The following JAM2 variants were observed in gnomAD, a reference collection of about 807,000 sequenced individuals.
JAM2 encodes the protein junctional adhesion molecule 2.
JAM2 carries 17 observed loss-of-function variants against 42.0 expected under a neutral mutation model. The observed-to-expected ratio is 0.40, with a 90% CI of 0.28 to 0.61. The LOEUF (loss-of-function observed/expected upper bound fraction) is 0.61, where lower values mean the gene tolerates loss of function less well. Among genes scored for constraint, JAM2 ranks in the 20% least tolerant of loss-of-function variants. The pLI, the probability that JAM2 is intolerant of heterozygous loss-of-function variation, is 0.37. For missense variants in JAM2, 319 were observed against 358.3 expected (o/e 0.89, Z 0.89); for synonymous variants, 118 against 128.6 (o/e 0.92, Z 0.56).
intron 2 of JAM2, among the ~76,000 whole-genome samples, chr21:25,686,868 A>C (rs1214233811): frequency 6.6e-6 from 1 of 152,236 alleles, no homozygotes; most frequent in East Asian, 1.9e-4. Flanking sequence ...TGCGATTCCT[A>C]AATGTGATTA....
chr21:25,668,719 G>C (rs118074966), intron 1 of JAM2, among the ~76,000 whole-genome samples: 50 of 152,344 alleles, frequency 3.3e-4, no homozygotes, highest in Admixed American at 6.5e-4. Context: ...ATGGAAATAT[G>C]TATTTGGGAG....
At chr21:25,693,954 A>G in intron 4 of JAM2, 46 bp downstream of exon 4, 1 of 1,591,560 alleles carries the variant, frequency 6.3e-7, no homozygotes. Context: ...CTCCTTCTCC[A>G]CCACCCAGCC....
chr21:25,666,658 T>A (rs1022886651), intron 1 of JAM2, among the ~76,000 whole-genome samples: 6 of 152,160 alleles, frequency 3.9e-5, no homozygotes, highest in Non-Finnish European at 5.9e-5. Context: ...CACCTCATCC[T>A]CCTGAGGAGC....
At chr21:25,690,294 T>A (rs978234241) in intron 3 of JAM2, among the ~76,000 whole-genome samples, 8 of 149,176 alleles carry the variant, frequency 5.4e-5, no homozygotes, top group Non-Finnish European at 7.5e-5. Context: ...TTCTCTTTAT[T>A]TCTTTCTTTC....
At chr21:25,668,503 A>G (rs2033277872) in intron 1 of JAM2, among the ~76,000 whole-genome samples, 1 of 152,218 alleles carries the variant, frequency 6.6e-6, no homozygotes, top group Middle Eastern at 3.2e-3. Context: ...ATGAATAGGA[A>G]TGGGCTGTGA....
At position 25,662,444 on chromosome 21, in the gene JAM2, C is replaced by T. The variant is rs980454966; in HGVS notation, c.68-21439C>T. Among the ~76,000 whole-genome samples the T allele has an allele frequency of 1.2e-4, 18 of 152,132 alleles. 1 individual carries two copies. Among genetic ancestry groups the T allele is most frequent in the Admixed American group, 7.9e-4 (12 of 15,268 alleles). ...GGATTACAGGCGTGAGCACTGTGAC[C>T]GGCCTTATTTTTATATTTTATTTTT... On this transcript the variant is annotated intron_variant, in intron 1 of 9. Transcript: ENST00000480456.
At chr21:25,688,296 G>A (rs574562238) in intron 2 of JAM2, among the ~76,000 whole-genome samples, 2 of 147,924 alleles carry the variant, frequency 1.4e-5, no homozygotes, top group East Asian at 1.9e-4. Flanking sequence ...GCGCCCACAC[G>A]CACGCACACA....
chr21:25,668,191 T>TA (rs1223746852), intron 1 of JAM2, among the ~76,000 whole-genome samples: 13 of 152,320 alleles, frequency 8.5e-5, no homozygotes, highest in African/African-American at 3.1e-4. Context: ...ATGGGCCACT[T>TA]TGCATAGGAC....
Position 25,639,836 on chromosome 21 carries a change from C to T in JAM2, c.15C>T (p.Ser5=). 1 of 1,586,636 alleles carries T rather than the reference C, an allele frequency of 6.3e-7. No homozygotes were observed. The part of the protein sequence containing the change: MARR[S]RHRLLLLLLR... ...GCCCCGGGAAGATGGCGAGGAGGAG[C>T]CGCCACCGCCTCCTCCTGCTGCTGC... Residue 5 remains serine, a synonymous_variant, in exon 1 of 10, where the codon AGC becomes AGT. Transcript: ENST00000480456.
At chr21:25,696,233 C>T (rs999215147) in intron 4 of JAM2, among the ~76,000 whole-genome samples, 2 of 152,190 alleles carry the variant, frequency 1.3e-5, no homozygotes, top group African/African-American at 4.8e-5. Flanking sequence ...CAAAAAAATA[C>T]GAAAACCAGT....
In JAM2 at chr21:25,717,188, T is replaced by C. The variant is rs1601077455; in HGVS notation, c.*2516T>C. ...TTTCCCCCACACAAAGGGCAGAGTA[T>C]TGAGCACTAATTTCCTATTAAAAGT... On this transcript the variant is annotated 3_prime_UTR_variant, in exon 10 of 10. Transcript: ENST00000480456. The C allele has an allele frequency of 6.5e-6, 1 of 153,106 alleles. No individual in the cohort carries two copies. The allele number at this position is 153,106 out of a possible 1,614,324, so 9.5% of individuals were successfully genotyped here.
At chr21:25,661,490 G>A (rs1400069730) in intron 1 of JAM2, among the ~76,000 whole-genome samples, 3 of 151,998 alleles carry the variant, frequency 2.0e-5, no homozygotes, top group African/African-American at 7.2e-5. Context: ...ATAAAAATAA[G>A]TGTAGACTTC....
At chr21:25,656,731 C>T (rs1189622853) in intron 1 of JAM2, among the ~76,000 whole-genome samples, 1 of 152,196 alleles carries the variant, frequency 6.6e-6, no homozygotes. Context: ...ACCTCCCACT[C>T]CTTTGCGTCT....
chr21:25,659,312 C>T (rs1284565617), intron 1 of JAM2, among the ~76,000 whole-genome samples: 2 of 150,766 alleles, frequency 1.3e-5, no homozygotes, highest in East Asian at 3.9e-4. Context: ...TTGTCTTAAG[C>T]AAAGATAAGT....
At chr21:25,667,525 T>C (rs1170018910) in intron 1 of JAM2, among the ~76,000 whole-genome samples, 1 of 152,266 alleles carries the variant, frequency 6.6e-6, no homozygotes, top group Admixed American at 6.5e-5. Flanking sequence ...ATTCTTGTTA[T>C]TAATCTTGTA....
At chr21:25,661,034 G>A (rs1434201542) in intron 1 of JAM2, among the ~76,000 whole-genome samples, 10 of 151,516 alleles carry the variant, frequency 6.6e-5, no homozygotes, top group East Asian at 3.9e-4. Context: ...TAGGTGATCC[G>A]CCCACCTCGG....
chr21:25,713,357 T>C (rs190851488), intron 9 of JAM2, among the ~76,000 whole-genome samples: 36 of 152,306 alleles, frequency 2.4e-4, no homozygotes, highest in Non-Finnish European at 4.1e-4. Flanking sequence ...GCAAATACCA[T>C]TGTTACTCAG....
intron 1 of JAM2, among the ~76,000 whole-genome samples, chr21:25,647,397 G>T (rs990454389): frequency 6.6e-6 from 1 of 152,066 alleles, no homozygotes; most frequent in African/African-American, 2.4e-5. Flanking sequence ...TAGAAATAAA[G>T]ATCACAATTT....
chr21:25,660,783 T>TATATATATATATATA lies in JAM2; in HGVS notation c.67+20895_67+20896insATATATATATATATA, dbSNP rs59547156. Among the ~76,000 whole-genome samples the TATATATATATATATA allele has an allele frequency of 1.5e-3, 54 of 36,324 alleles. 1 individual carries two copies. The highest frequency in any genetic ancestry group is 3.7e-3 in the South Asian group (3 of 804). The allele number at this position is 36,324 out of a possible 152,430, so 23.8% of individuals were successfully genotyped here. A position where few individuals can be genotyped will look rare whatever the true frequency, so the allele number is the denominator to read the frequency against. ...CCATATATATATATATATATATATATTTTTTTTTTTTTTTTTTTTTTTTTT... is the reference window on the plus strand; with the variant it reads ...CCATATATATATATATATATATATATATATATATATATATATTTTTTTTTTTTTTTTTTTTTTTTT... On this transcript the variant is annotated intron_variant, in intron 1 of 9. Transcript: ENST00000480456.
Sources: gnomAD v4.1 joint callset for allele counts (sites outside exome capture counted in the v4.1 genomes callset) on GRCh38, gnomAD v4.1.1 for gene constraint, MANE v1.5 for transcripts, NCBI Gene and HGNC (gene_info 2026-07-23, HGNC 2026-07-21) for gene names.